TCF12: variants seen among roughly 807,000 people sequenced by gnomAD.
TCF12 encodes transcription factor 12.
Under a neutral mutation model 86.0 loss-of-function variants are expected in TCF12, and 45 were observed. The ratio of observed to expected loss-of-function variants is 0.52; its 90% CI spans 0.41 to 0.67. The LOEUF (loss-of-function observed/expected upper bound fraction) is 0.67. TCF12 is among the 30% of genes least tolerant of loss of function. The pLI is 0.00. For synonymous variants in TCF12, 330 were observed against 299.6 expected (o/e 1.10, Z -1.05); for missense variants, 881 against 859.9 (o/e 1.02, Z -0.31).
At chr15:57,101,397 G>A (rs1445291770) in intron 5 of TCF12, among the ~76,000 whole-genome samples, 1 of 152,106 alleles carries the variant, frequency 6.6e-6, no homozygotes, top group African/African-American at 2.4e-5. Flanking sequence ...TCTTTGTAGA[G>A]ACACAGTCTT....
rs756258773 is a variant in TCF12, at chr15:57,232,405, G to A, written c.800G>A (p.Gly267Asp). 4.3e-6 allele frequency: 7 copies of A among 1,610,084 alleles called. No individual in the cohort carries two copies. The highest frequency in any genetic ancestry group is 1.1e-5 in the South Asian group (1 of 90,106). Residue 267 changes from glycine (G) to aspartate (D), a missense_variant, in exon 10 of 21, where the codon GGC becomes GAC. This residue lies in a region of TCF12 where 766 missense variants were observed against 718.9 expected (regional missense o/e 1.07). Transcript: ENST00000333725. ...TSHMSQSSSY[G>D]NLHSHDRLSY... ...CACATGTCTCAATCCAGTAGTTATG[G>A]CAACCTTCATTCACATGACCGCTTG...
intron 5 of TCF12, among the ~76,000 whole-genome samples, chr15:57,165,545 T>G (rs1029090488): frequency 1.3e-5 from 2 of 151,882 alleles, no homozygotes; most frequent in Admixed American, 6.6e-5. Flanking sequence ...ATTAATTTTT[T>G]TTTTTTTTTG....
chr15:57,256,349 C>T lies in TCF12; in HGVS notation c.1467+2881C>T, dbSNP rs560162471. ...CTGCTGGGATCACTTTATTTACATG[C>T]TCAGCACCCACCTATATGGAATCAA... On this transcript the variant is annotated intron_variant, in intron 16 of 20. Coordinates refer to ENST00000333725, the MANE Select transcript of TCF12 (RefSeq NM_207037.2). Among the ~76,000 whole-genome samples the T allele has an allele frequency of 1.2e-3, 189 of 152,246 alleles. 1 individual carries two copies. The highest frequency in any genetic ancestry group is 4.2e-3 in the African/African-American group (175 of 41,544).
chr15:56,984,824 A>G (rs2063103503), intron 3 of TCF12, among the ~76,000 whole-genome samples: 1 of 152,216 alleles, frequency 6.6e-6, no homozygotes, highest in African/African-American at 2.4e-5. Flanking sequence ...TTAACACCCT[A>G]CCATTATGAA....
chr15:57,112,135 A>G (rs541069012), intron 5 of TCF12, among the ~76,000 whole-genome samples: 1 of 152,290 alleles, frequency 6.6e-6, no homozygotes, highest in Admixed American at 6.5e-5. Context: ...TTGTACTCAA[A>G]ACTTTTTAGT....
chr15:56,950,154 C>G (rs1165606903), intron 3 of TCF12, among the ~76,000 whole-genome samples: 2 of 152,206 alleles, frequency 1.3e-5, no homozygotes, highest in East Asian at 3.8e-4. Flanking sequence ...ACTCCCATCC[C>G]TACTCCCACA....
chr15:56,936,004 A>G (rs1170675505), intron 3 of TCF12, among the ~76,000 whole-genome samples: 1 of 152,162 alleles, frequency 6.6e-6, no homozygotes, highest in African/African-American at 2.4e-5. Flanking sequence ...ATGGGTAGAT[A>G]CCCAATAATG....
intron 3 of TCF12, among the ~76,000 whole-genome samples, chr15:57,054,941 T>C (rs1464469787): frequency 2.6e-5 from 4 of 152,096 alleles, no homozygotes; most frequent in Admixed American, 2.6e-4. Flanking sequence ...TATGCTATAG[T>C]TATCATGTGT....
intron 5 of TCF12, among the ~76,000 whole-genome samples, chr15:57,140,033 C>T (rs1384377726): frequency 6.6e-6 from 1 of 152,132 alleles, no homozygotes; most frequent in Non-Finnish European, 1.5e-5. Context: ...ACCATATGAT[C>T]CAGCAGTATT....
chr15:56,918,298 C>G (rs1251635819), upstream of TCF12: 1 of 454,984 alleles, frequency 2.2e-6, no homozygotes, highest in East Asian at 7.0e-5. Context: ...ACAGCTGTGT[C>G]TCCGTCGCTC....
At chr15:57,103,636 T>C (rs1300690168) in intron 5 of TCF12, among the ~76,000 whole-genome samples, 1 of 152,208 alleles carries the variant, frequency 6.6e-6, no homozygotes, top group Non-Finnish European at 1.5e-5. Flanking sequence ...CACGTAAAGA[T>C]GTGTATGCAA....
intron 5 of TCF12, among the ~76,000 whole-genome samples, chr15:57,131,438 A>T (rs779072245): frequency 6.6e-6 from 1 of 152,208 alleles, no homozygotes; most frequent in Non-Finnish European, 1.5e-5. Context: ...ACATTGTACC[A>T]TTTTTCAAAT....
At chr15:57,248,008 C>CA in intron 13 of TCF12, 1 of 714,134 alleles carries the variant, frequency 1.4e-6, no homozygotes, top group Non-Finnish European at 2.6e-6. Context: ...ACAGTGGTGG[C>CA]AACGGCTGCA....
At chr15:57,129,049 G>C (rs1257302145) in intron 5 of TCF12, among the ~76,000 whole-genome samples, 1 of 152,162 alleles carries the variant, frequency 6.6e-6, no homozygotes, top group African/African-American at 2.4e-5. Flanking sequence ...TGTATACCTA[G>C]GAGTGGAGTT....
chr15:57,180,271 CTTCT>C (rs1313859027), intron 6 of TCF12, among the ~76,000 whole-genome samples: 1 of 152,128 alleles, frequency 6.6e-6, no homozygotes, highest in Non-Finnish European at 1.5e-5. Context: ...GGGTGAGAGA[CTTCT>C]TTATCATTCT....
chr15:57,137,635 AT>A (rs1326464774), intron 5 of TCF12, among the ~76,000 whole-genome samples: 2 of 152,120 alleles, frequency 1.3e-5, no homozygotes, highest in African/African-American at 2.4e-5. Context: ...TGCTATCTAG[AT>A]TTTTTTCACT....
chr15:56,991,559 T>A (rs994887824), intron 3 of TCF12, among the ~76,000 whole-genome samples: 3 of 152,266 alleles, frequency 2.0e-5, no homozygotes, highest in African/African-American at 4.8e-5. Flanking sequence ...TATGATCTTA[T>A]CAATATGCAC....
At chr15:57,183,974 TTCCTC>T (rs1211569158) in intron 6 of TCF12, among the ~76,000 whole-genome samples, 2 of 152,154 alleles carry the variant, frequency 1.3e-5, no homozygotes, top group African/African-American at 4.8e-5. Context: ...GATTATTTCT[TTCCTC>T]TCTCAGCCCT....
rs147227408 is a variant in TCF12, at chr15:57,009,668, A to G, written c.149-54082A>G. On this transcript the variant is annotated intron_variant, in intron 3 of 20. Coordinates refer to ENST00000333725, the MANE Select transcript of TCF12 (RefSeq NM_207037.2). ...GTTGGAGAAAACAGAAGAAACACTG[A>G]AAAAATATCAGGATTATAGACAAGC... 1.6e-4 allele frequency among the ~76,000 whole-genome samples: 24 copies of G among 152,354 alleles called. No homozygotes were observed. In the East Asian group the frequency reaches 4.1e-3, roughly 26 times the overall value.
Sources: allele counts gnomAD v4.1 joint callset (sites outside exome capture counted in the v4.1 genomes callset), GRCh38; gene constraint gnomAD v4.1.1; regional missense constraint gnomAD v4.1.1; transcripts MANE v1.5; gene names NCBI Gene and HGNC (gene_info 2026-07-23, HGNC 2026-07-21).